Variants in SYT3 observed in about 807,000 individuals in gnomAD.
SYT3 encodes the protein synaptotagmin 3.
A neutral mutation model predicts 50.6 loss-of-function variants in SYT3; 25 were observed. The observed-to-expected ratio is 0.49, with a 90% CI of 0.36 to 0.69. The LOEUF is 0.69. Among genes scored for constraint, SYT3 ranks in the 30% least tolerant of loss-of-function variants. The pLI, the probability that SYT3 is intolerant of heterozygous loss-of-function variation, is 0.00. For synonymous variants in SYT3, 323 were observed against 353.9 expected (o/e 0.91, Z 0.98); for missense variants, 589 against 793.6 (o/e 0.74, Z 3.10).
upstream of SYT3, among the ~76,000 whole-genome samples, chr19:50,643,584 T>C (rs1984712983): frequency 6.6e-6 from 1 of 151,996 alleles, no homozygotes; most frequent in Non-Finnish European, 1.5e-5. Flanking sequence ...GCTAGGAGTA[T>C]AGAACAATAT....
At position 50,625,300 on chromosome 19, in the gene SYT3, G is replaced by C. The variant is rs757789293; in HGVS notation, c.1575-6C>G. 4 of 1,533,954 alleles carry C rather than the reference G, an allele frequency of 2.6e-6. No homozygotes were observed. The stretch of plus-strand genomic sequence containing the variant: ...TCACCTCGTTGTGCCCGATGCTGGG[G>C]GTTGGGGTCAGTGAGGACCGTGGAG... On this transcript the variant is annotated splice_region_variant and splice_polypyrimidine_tract_variant and intron_variant, in intron 8 of 10. Transcript: ENST00000600079. The surrounding 1 kb of genome is among the most constrained non-coding windows in gnomAD (Gnocchi z 7.5).
At chr19:50,627,904 T>C (rs1984135222) in intron 6 of SYT3, among the ~76,000 whole-genome samples, 2 of 151,768 alleles carry the variant, frequency 1.3e-5, no homozygotes, top group Non-Finnish European at 2.9e-5. Context: ...TGACTGGGAG[T>C]AGGAGCTGGT....
rs1599821123 is a variant in SYT3, at chr19:50,637,454, T to G, written c.-15-28A>C. The G allele has an allele frequency of 6.4e-7, 1 of 1,561,212 alleles. No individual in the cohort carries two copies. Among genetic ancestry groups the G allele is most frequent in the African/African-American group, 1.4e-5 (1 of 73,152 alleles). ...GTGTGTGGGAGGGATGGGGCAAGGG[T>G]GCAGATGGGAAACAGAATGGGAGTG... On this transcript the variant is annotated intron_variant, in intron 2 of 10. Coordinates refer to ENST00000600079, the MANE Select transcript of SYT3 (RefSeq NM_001160329.2). This position sits in a 1 kb window ranked among gnomAD's most constrained non-coding sequence, Gnocchi z 4.9.
At chr19:50,649,359 C>A in the SYT3 span, 1 of 1,299,170 alleles carries the variant, frequency 7.7e-7, no homozygotes, top group Non-Finnish European at 1.1e-6. Context: ...GAGGAGGCAG[C>A]GGTGGGGAGA....
the SYT3 span, chr19:50,649,464 C>T: frequency 1.3e-6 from 2 of 1,536,126 alleles, no homozygotes; most frequent in African/African-American, 2.7e-5. Context: ...GAGGTGGAGC[C>T]CGTGTGCTTC....
At chr19:50,636,922 AGCCAT>A (rs1234324854) in intron 3 of SYT3, among the ~76,000 whole-genome samples, 11 of 152,214 alleles carry the variant, frequency 7.2e-5, no homozygotes, top group Non-Finnish European at 1.6e-4. Context: ...ACTTACCTAC[AGCCAT>A]GCAGTTATTA....
chr19:50,626,504 G>GGGGGACAGAGGCCCAGAGAGAGAGC (rs1568761265), intron 6 of SYT3, among the ~76,000 whole-genome samples: 1 of 23,402 alleles, frequency 4.3e-5, no homozygotes, highest in African/African-American at 9.5e-5. Flanking sequence ...CAGAGAGAGA[G>GGGGGACAGAGGCCCAGAGAGAGAGC]GGGGGGGGAC....
intron 3 of SYT3, among the ~76,000 whole-genome samples, chr19:50,636,190 G>A (rs997300506): frequency 4.6e-5 from 7 of 151,598 alleles, no homozygotes; most frequent in African/African-American, 1.7e-4. Flanking sequence ...GGAGGTGGAG[G>A]ATGCAGTGAG....
chr19:50,622,686 C>A lies in SYT3; in HGVS notation c.*3+1G>T, dbSNP rs775904871. 7 of 1,093,512 alleles carry A rather than the reference C, an allele frequency of 6.4e-6. No homozygotes were observed. Among genetic ancestry groups the A allele is most frequent in the Non-Finnish European group, 9.9e-6 (7 of 708,842 alleles). 67.7% of individuals were successfully genotyped at this position (1,093,512 alleles called of 1,614,324 possible). On this transcript the variant is annotated splice_donor_variant, in intron 10 of 10. Coordinates refer to ENST00000600079, the MANE Select transcript of SYT3 (RefSeq NM_001160329.2). LOFTEE classifies it low-confidence loss of function (3UTR_SPLICE). The stretch of plus-strand genomic sequence containing the variant: ...CCCTTCCCTGTGGCCAGGCTGCTTA[C>A]CCCTCACTCGGAGTTCTCTTTCTCT...
the SYT3 span, among the ~76,000 whole-genome samples, chr19:50,648,750 C>A: frequency 6.6e-6 from 1 of 152,204 alleles, no homozygotes; most frequent in African/African-American, 2.4e-5. Flanking sequence ...ATCCCCTCCC[C>A]ACTAGAGAAC....
chr19:50,646,406 TA>T, the SYT3 span, among the ~76,000 whole-genome samples: 21,814 of 152,140 alleles, frequency 0.14, 1,766 homozygotes, highest in South Asian at 0.18. Context: ...CAGATGGGGT[TA>T]GGGGGCTACT....
intron 4 of SYT3, among the ~76,000 whole-genome samples, chr19:50,631,167 C>CT (rs869146014): frequency 0.077 from 1,591 of 20,686 alleles, 21 homozygotes; most frequent in African/African-American, 0.22. Context: ...TTCTTTCTTT[C>CT]TTTTTTTTTT....
intron 6 of SYT3, among the ~76,000 whole-genome samples, chr19:50,627,541 C>T (rs112848145): frequency 2.2e-4 from 33 of 152,072 alleles, no homozygotes; most frequent in Admixed American, 4.6e-4. Flanking sequence ...GCCAGCATGG[C>T]GAAACCCTGT....
chr19:50,628,538 A>G (rs1016040413), intron 6 of SYT3, among the ~76,000 whole-genome samples: 1 of 152,102 alleles, frequency 6.6e-6, no homozygotes, highest in Non-Finnish European at 1.5e-5. Context: ...AAGAGTTCCA[A>G]TGTCAGGGGT....
Position 50,637,119 on chromosome 19 carries a change from G to T in SYT3, c.148+145C>A. 2 of 1,065,938 alleles carry T rather than the reference G, an allele frequency of 1.9e-6. No homozygotes were observed. Among genetic ancestry groups the T allele is most frequent in the Non-Finnish European group, 2.7e-6 (2 of 741,618 alleles). 66.0% of individuals were successfully genotyped at this position (1,065,938 alleles called of 1,614,324 possible). On this transcript the variant is annotated intron_variant, in intron 3 of 10. Transcript: ENST00000600079. The surrounding 1 kb of genome is among the most constrained non-coding windows in gnomAD (Gnocchi z 4.9). ...CTCCTTCCCCTTGGATCAGAGATTT[G>T]GGAGAAGGGCAGCAGCAGGCAGAAT...
intron 9 of SYT3, among the ~76,000 whole-genome samples, chr19:50,623,613 CAAAAAAAAAAAAAAAAAAAAAAAAA>C (rs529397903): frequency 2.2e-5 from 2 of 91,620 alleles, no homozygotes; most frequent in East Asian, 1.1e-3. Context: ...CCTGTCTCTA[CAAAAAAAAAAAAAAAAAAAAAAAAA>C]AAAAAAAAAA....
rs112788311 is a variant in SYT3 at position 50,632,264 on chromosome 19, C to T, written c.674+22G>A. The stretch of plus-strand genomic sequence containing the variant: ...AGGAGCAGAAGTTCAGAGTGGACCC[C>T]CAACCCAGTATCCTCTCTCACCTGG... On this transcript the variant is annotated intron_variant, in intron 4 of 10. Coordinates refer to ENST00000600079, the MANE Select transcript of SYT3 (RefSeq NM_001160329.2). This position sits in a 1 kb window ranked among gnomAD's most constrained non-coding sequence, Gnocchi z 4.7. 1.9e-5 allele frequency: 29 copies of T among 1,536,282 alleles called. No homozygotes were observed. The African/African-American group carries it at 2.7e-4, about 14-fold the overall frequency.
chr19:50,629,162 G>T (rs1479145796), intron 6 of SYT3, 132 bp downstream of exon 6: 2 of 748,884 alleles, frequency 2.7e-6, no homozygotes, highest in East Asian at 5.5e-5. Flanking sequence ...GTCTTCCCCA[G>T]TGTGATACAT....
At chr19:50,628,951 G>A (rs905301861) in intron 6 of SYT3, among the ~76,000 whole-genome samples, 4 of 151,356 alleles carry the variant, frequency 2.6e-5, no homozygotes, top group African/African-American at 7.3e-5. Flanking sequence ...ATCCTCCTAA[G>A]TAGCTGGGAT....
Sources: gnomAD v4.1 joint callset for allele counts (sites outside exome capture counted in the v4.1 genomes callset) on GRCh38, gnomAD v4.1.1 for gene constraint, Gnocchi (gnomAD v3.1) non-coding constraint, MANE v1.5 for transcripts, NCBI Gene and HGNC (gene_info 2026-07-23, HGNC 2026-07-21) for gene names.